Variants in LRGUK observed in about 807,000 individuals in gnomAD.
LRGUK encodes the protein leucine rich repeats and guanylate kinase domain containing.
LRGUK carries 65 observed loss-of-function variants against 76.0 expected under a neutral mutation model. That is an observed-to-expected ratio of 0.85 (90% confidence interval 0.70 to 1.05). The LOEUF is 1.05. Ranked by LOEUF, LRGUK falls within the 50% of genes least tolerant of loss-of-function variation. The probability of loss-of-function intolerance (pLI) is 0.00; values close to 1 mark genes in which losing one functional copy is unlikely to be tolerated. For synonymous variants in LRGUK, 268 were observed against 265.6 expected (o/e 1.01, Z -0.09); for missense variants, 758 against 732.8 (o/e 1.03, Z -0.40).
At chr7:134,136,988 TC>T (rs1470180638) in intron 1 of LRGUK, 34 bp from the exon 2 acceptor site, 5 of 1,457,892 alleles carry the variant, frequency 3.4e-6, no homozygotes, top group Non-Finnish European at 4.8e-6. Flanking sequence ...CTAATGAGAA[TC>T]TTTTCTTTGT....
chr7:134,258,510 C>T, intron 19 of LRGUK, 105 bp downstream of exon 19: 1 of 1,068,774 alleles, frequency 9.4e-7, no homozygotes, highest in South Asian at 1.7e-5. Flanking sequence ...CCAGCCTGGC[C>T]AAAATTGTGA....
intron 5 of LRGUK, among the ~76,000 whole-genome samples, chr7:134,156,041 T>G (rs1798440231): frequency 6.6e-6 from 1 of 152,198 alleles, no homozygotes; most frequent in African/African-American, 2.4e-5. Context: ...ATTGCAAAAT[T>G]GCCTCTAAAG....
intron 7 of LRGUK, among the ~76,000 whole-genome samples, chr7:134,171,207 A>C (rs1799228413): frequency 6.6e-6 from 1 of 151,610 alleles, no homozygotes; most frequent in Admixed American, 6.6e-5. Context: ...TCTGTTTCTG[A>C]AGTATTTATT....
In LRGUK at chr7:134,204,758, G is replaced by A. The variant is rs567764626; in HGVS notation, c.1843+3182G>A. On this transcript the variant is annotated intron_variant, in intron 15 of 15. Transcript: ENST00000645682. ...TAACACACATTTAATGGTGTCTCTA[G>A]TGGGACAAGAAGTAGAGCCAGTGTT... 1.2e-4 allele frequency among the ~76,000 whole-genome samples: 18 copies of A among 152,324 alleles called. No homozygotes were observed. The East Asian group carries it at 2.5e-3, about 21-fold the overall frequency.
At chr7:134,201,667 G>A (rs1230972396) in intron 15 of LRGUK, 91 bp downstream of exon 15, 2 of 828,700 alleles carry the variant, frequency 2.4e-6, no homozygotes, top group Non-Finnish European at 3.9e-6. Context: ...TCATCACTTG[G>A]GCTAAAGCTG....
chr7:134,213,665 G>T (rs566457627), downstream of LRGUK, among the ~76,000 whole-genome samples: 178 of 152,224 alleles, frequency 1.2e-3, 1 homozygote, highest in Non-Finnish European at 2.2e-3. Flanking sequence ...TTTATCACTT[G>T]TTTGTGTTTC....
chr7:134,160,456 A>C (rs1798678288), intron 6 of LRGUK, among the ~76,000 whole-genome samples: 1 of 152,178 alleles, frequency 6.6e-6, no homozygotes, highest in African/African-American at 2.4e-5. Flanking sequence ...AGTTTAATAA[A>C]ATCTATAAAA....
At chr7:134,195,727 C>CATAT (rs149039525) in intron 12 of LRGUK, among the ~76,000 whole-genome samples, 27 of 149,946 alleles carry the variant, frequency 1.8e-4, no homozygotes, top group Admixed American at 5.3e-4. Context: ...GAGAGCCAGA[C>CATAT]ATATATATAT....
rs377664532 is a variant in LRGUK at position 134,164,896 on chromosome 7, C to A, written c.939+1356C>A. Among the ~76,000 whole-genome samples the A allele has an allele frequency of 4.8e-4, 73 of 152,294 alleles. No homozygotes were observed. In the South Asian group the frequency reaches 7.0e-3, roughly 15 times the overall value. On this transcript the variant is annotated intron_variant, in intron 7 of 15. Transcript: ENST00000645682. Reference sequence around the variant, plus strand: ...TGACTTGTATATTAAGTTGTTTTGGCAACTTCTCCAGTTAATTCTGGTGGA... The same window carrying A: ...TGACTTGTATATTAAGTTGTTTTGGAAACTTCTCCAGTTAATTCTGGTGGA...
chr7:134,148,793 G>A (rs1015072927), intron 5 of LRGUK, among the ~76,000 whole-genome samples: 6 of 152,126 alleles, frequency 3.9e-5, no homozygotes, highest in Admixed American at 2.0e-4. Context: ...AGATGTGATG[G>A]GATGTGCCTG....
chr7:134,142,739 G>A (rs984074399), intron 3 of LRGUK, among the ~76,000 whole-genome samples: 1 of 152,192 alleles, frequency 6.6e-6, no homozygotes, highest in Non-Finnish European at 1.5e-5. Context: ...AAGTTTTGTA[G>A]CATTTCATTG....
intron 19 of LRGUK, among the ~76,000 whole-genome samples, chr7:134,260,861 G>T (rs942056308): frequency 3.9e-5 from 6 of 152,066 alleles, no homozygotes; most frequent in Non-Finnish European, 8.8e-5. Context: ...CTGCCAAATG[G>T]GTTAGAACAT....
At chr7:134,240,140 AC>A (rs1802107274) in intron 16 of LRGUK, among the ~76,000 whole-genome samples, 1 of 152,234 alleles carries the variant, frequency 6.6e-6, no homozygotes, top group Non-Finnish European at 1.5e-5. Context: ...AAATCAGAGC[AC>A]CTTTTCTCCT....
At chr7:134,273,069 C>T in the LRGUK span, among the ~76,000 whole-genome samples, 1 of 152,146 alleles carries the variant, frequency 6.6e-6, no homozygotes, top group Non-Finnish European at 1.5e-5. Flanking sequence ...GCTGCATCCC[C>T]ATCATTCTGA....
intron 7 of LRGUK, among the ~76,000 whole-genome samples, chr7:134,173,597 G>A (rs1012195996): frequency 6.6e-6 from 1 of 152,032 alleles, no homozygotes; most frequent in Non-Finnish European, 1.5e-5. Flanking sequence ...TCAAATTAAG[G>A]AACTGTCAAG....
chr7:134,167,817 C>G (rs773073902), intron 7 of LRGUK, among the ~76,000 whole-genome samples: 1 of 152,178 alleles, frequency 6.6e-6, no homozygotes, highest in Non-Finnish European at 1.5e-5. Flanking sequence ...GGCAAACTCT[C>G]ATGAAAAAAG....
chr7:134,134,027 A>G (rs1164368435), intron 1 of LRGUK, among the ~76,000 whole-genome samples: 3 of 151,972 alleles, frequency 2.0e-5, no homozygotes, highest in Non-Finnish European at 4.4e-5. Context: ...ACAACACTAC[A>G]TTTCAGCCCA....
intron 1 of LRGUK, among the ~76,000 whole-genome samples, chr7:134,127,905 T>C (rs915204845): frequency 1.3e-5 from 2 of 152,146 alleles, no homozygotes; most frequent in Non-Finnish European, 2.9e-5. Context: ...TTTGATTTCT[T>C]ATGAGTCGAG....
At chr7:134,182,433 C>G (rs144053767) in intron 10 of LRGUK, among the ~76,000 whole-genome samples, 10 of 152,308 alleles carry the variant, frequency 6.6e-5, no homozygotes, top group African/African-American at 2.4e-4. Flanking sequence ...TTGCTTCCCT[C>G]TTCTTCCTCC....
Sources: gnomAD v4.1 joint callset for allele counts (sites outside exome capture counted in the v4.1 genomes callset) on GRCh38, gnomAD v4.1.1 for gene constraint, MANE v1.5 for transcripts, NCBI Gene and HGNC (gene_info 2026-07-23, HGNC 2026-07-21) for gene names.